The following PCDHGA2 variants were observed in gnomAD, a reference collection of about 807,000 sequenced individuals.
PCDHGA2 encodes protocadherin gamma subfamily A, 2, also known as protocadherin gamma-A2.
Under a neutral mutation model 59.2 loss-of-function variants are expected in PCDHGA2, and 40 were observed. The ratio of observed to expected loss-of-function variants is 0.68; its 90% confidence interval spans 0.52 to 0.88. PCDHGA2 has a LOEUF of 0.88. Among genes scored for constraint, PCDHGA2 ranks in the 40% least tolerant of loss-of-function variants. The pLI, the probability that PCDHGA2 is intolerant of heterozygous loss-of-function variation, is 0.00. For synonymous variants in PCDHGA2, 560 were observed against 526.0 expected (o/e 1.06, Z -0.89); for missense variants, 1,226 against 1,204.0 (o/e 1.02, Z -0.27).
rs1434083091 is a variant in PCDHGA2 at position 141,450,833 on chromosome 5, T to TA, written c.2425-43974_2425-43973insA. 6.4e-3 allele frequency among the ~76,000 whole-genome samples: 943 copies of TA among 147,260 alleles called. 6 individuals carry two copies. The highest frequency in any genetic ancestry group is 0.014 in the Middle Eastern group (4 of 276). ...TTATTTAATATTATTATTATTATTT[T>TA]TTTTTTTTTGAGATGGGGTCTTGCT... is the stretch of plus-strand genomic sequence containing the variant. On this transcript the variant is annotated intron_variant, in intron 1 of 3. Coordinates refer to ENST00000394576, the MANE Select transcript of PCDHGA2 (RefSeq NM_018915.4).
intron 1 of PCDHGA2, chr5:141,342,484 T>G (rs1757167035): frequency 6.6e-6 from 1 of 152,236 alleles, no homozygotes; most frequent in South Asian, 2.1e-4. Context: ...ATTGAGCCTT[T>G]TATTGAATGA....
At chr5:141,371,836 T>C (rs1399404619) in intron 1 of PCDHGA2, 2 of 1,613,592 alleles carry the variant, frequency 1.2e-6, no homozygotes, top group East Asian at 4.5e-5. Flanking sequence ...GATCCCGACT[T>C]GGGACCTAAT....
rs1444244130 is a variant in PCDHGA2 at position 141,433,401 on chromosome 5, A to ATCTATCTC, written c.2425-61401_2425-61400insCTCTCTAT. The stretch of plus-strand genomic sequence containing the variant: ...TATCTATCTATCTATCTATCTATCT[A>ATCTATCTC]TCTATTACTTTCTTGTACAGACAGG... On this transcript the variant is annotated intron_variant, in intron 1 of 3. Transcript: ENST00000394576. Among the ~76,000 whole-genome samples, 100 of 150,598 alleles carry ATCTATCTC rather than the reference A, an allele frequency of 6.6e-4. 1 individual carries two copies. Among genetic ancestry groups the ATCTATCTC allele is most frequent in the African/African-American group, 2.4e-3 (100 of 40,958 alleles).
chr5:141,393,263 A>G, intron 1 of PCDHGA2: 2 of 1,613,926 alleles, frequency 1.2e-6, no homozygotes, highest in Non-Finnish European at 1.7e-6. Context: ...TTCCTGGAGC[A>G]CGTTATCCAC....
rs746244855 is a variant in PCDHGA2 at position 141,341,284 on chromosome 5, C to T, written c.2313C>T (p.Pro771=). 1.9e-6 allele frequency: 3 copies of T among 1,614,236 alleles called. No individual in the cohort carries two copies. Among genetic ancestry groups the T allele is most frequent in the East Asian group, 2.2e-5 (1 of 44,886 alleles). ...ADSRKSHLIF[P]QPNYADTLIS... is the part of the protein sequence containing the mutation. ...CGCGGAAGAGCCACCTGATTTTCCCCCAGCCCAACTATGCGGACACGCTCA... is the reference window on the plus strand; with the variant it reads ...CGCGGAAGAGCCACCTGATTTTCCCTCAGCCCAACTATGCGGACACGCTCA... The change falls in exon 1 of 4, where the codon CCC becomes CCT. Residue 771 remains proline, a synonymous_variant. Coordinates refer to ENST00000394576, the MANE Select transcript of PCDHGA2 (RefSeq NM_018915.4).
intron 1 of PCDHGA2, chr5:141,403,040 C>T: frequency 1.2e-6 from 2 of 1,614,068 alleles, no homozygotes; most frequent in Non-Finnish European, 1.7e-6. Context: ...CAGGGCCAGT[C>T]AGATTCGCTA....
intron 1 of PCDHGA2, among the ~76,000 whole-genome samples, chr5:141,459,109 C>A (rs1213203625): frequency 6.6e-6 from 1 of 152,174 alleles, no homozygotes; most frequent in Non-Finnish European, 1.5e-5. Context: ...TGCATTTTGA[C>A]AATTGTTTAC....
At chr5:141,483,972 A>G in intron 1 of PCDHGA2, among the ~76,000 whole-genome samples, 1 of 83,960 alleles carries the variant, frequency 1.2e-5, no homozygotes, top group Admixed American at 1.8e-4. Context: ...TGCTTGTGCA[A>G]GGGAGTAGCT....
chr5:141,360,998 T>C, intron 1 of PCDHGA2: 1 of 1,613,390 alleles, frequency 6.2e-7, no homozygotes, highest in Non-Finnish European at 8.5e-7. Context: ...GACGAACAAG[T>C]GAAACACTTT....
At chr5:141,423,090 G>T in intron 1 of PCDHGA2, 5 of 1,614,022 alleles carry the variant, frequency 3.1e-6, no homozygotes, top group South Asian at 2.2e-5. Context: ...TCGCGGTGGG[G>T]GAGCACACGG....
intron 2 of PCDHGA2, among the ~76,000 whole-genome samples, chr5:141,497,767 C>T (rs1419825322): frequency 1.3e-5 from 2 of 152,066 alleles, no homozygotes; most frequent in East Asian, 3.9e-4. Flanking sequence ...TCAAACTCCC[C>T]GACCTCAACT....
intron 1 of PCDHGA2, among the ~76,000 whole-genome samples, chr5:141,450,047 C>T (rs2098667027): frequency 2.2e-5 from 3 of 136,836 alleles, no homozygotes; most frequent in African/African-American, 8.5e-5. Flanking sequence ...CACTCTTTCG[C>T]CCAGGCTGGA....
In PCDHGA2 at chr5:141,340,204, C is replaced by A. The variant is rs756707441; in HGVS notation, c.1233C>A (p.Asp411Glu). The A allele has an allele frequency of 9.9e-6, 16 of 1,613,976 alleles. No individual in the cohort carries two copies. Among genetic ancestry groups the A allele is most frequent in the Non-Finnish European group, 1.4e-5 (16 of 1,179,948 alleles). The change falls in exon 1 of 4, where the codon GAC becomes GAA. Residue 411 changes from aspartate (D) to glutamate (E), a missense_variant. Physicochemically the swap from Asp to Glu is conservative, Grantham distance 45. Transcript: ENST00000394576. ...YYRLVTTRALDREQFSFYNIT... is the reference protein window; with the variant it reads ...YYRLVTTRALEREQFSFYNIT... ...GACTGGTTACAACCAGAGCCCTTGA[C>A]AGGGAACAGTTTTCCTTTTACAACA...
chr5:141,476,233 G>A lies in PCDHGA2; in HGVS notation c.2425-18574G>A, dbSNP rs1162067190. ...CGGTCATTCACTATGAGATCCCGGA[G>A]GAAAGAGAGAAGGGTTTCGCTGTGG... On this transcript the variant is annotated intron_variant, in intron 1 of 3. Coordinates refer to ENST00000394576, the MANE Select transcript of PCDHGA2 (RefSeq NM_018915.4). The surrounding 1 kb of genome is among the most constrained non-coding windows in gnomAD (Gnocchi z 7.6). The A allele has an allele frequency of 3.1e-6, 5 of 1,613,996 alleles. No homozygotes were observed. Among genetic ancestry groups the A allele is most frequent in the African/African-American group, 2.7e-5 (2 of 74,894 alleles).
At chr5:141,450,006 CTTT>C (rs1554136305) in intron 1 of PCDHGA2, among the ~76,000 whole-genome samples, 9 of 132,974 alleles carry the variant, frequency 6.8e-5, no homozygotes, top group Admixed American at 7.8e-5. Context: ...TGCCATGTCT[CTTT>C]TTTTTTTTTT....
At chr5:141,393,267 T>C in intron 1 of PCDHGA2, 1 of 1,613,944 alleles carries the variant, frequency 6.2e-7, no homozygotes, top group Non-Finnish European at 8.5e-7. Flanking sequence ...TGGAGCACGT[T>C]ATCCACTCCC....
chr5:141,412,898 C>T (rs1300324880), intron 1 of PCDHGA2: 2 of 361,136 alleles, frequency 5.5e-6, no homozygotes, highest in Non-Finnish European at 9.8e-6. Context: ...AGTTTACTTT[C>T]CATTGCATGT....
intron 1 of PCDHGA2, chr5:141,404,146 A>G: frequency 1.2e-6 from 2 of 1,613,058 alleles, no homozygotes; most frequent in Non-Finnish European, 1.7e-6. Context: ...AAAATTCAGA[A>G]GAAGATTATT....
In PCDHGA2 at chr5:141,485,632, G is replaced by A. The variant is rs1335265010; in HGVS notation, c.2425-9175G>A. On this transcript the variant is annotated intron_variant, in intron 1 of 3. Transcript: ENST00000394576. This position sits in a 1 kb window ranked among gnomAD's most constrained non-coding sequence, Gnocchi z 5.7. ...CAGCTCCTCCAGGACAGCGTTTCCCGTTGGAAAAGGCTCAGGATGCAGATG... is the reference window on the plus strand; with the variant it reads ...CAGCTCCTCCAGGACAGCGTTTCCCATTGGAAAAGGCTCAGGATGCAGATG... 1.2e-6 allele frequency: 2 copies of A among 1,611,766 alleles called. No homozygotes were observed. The highest frequency in any genetic ancestry group is 1.7e-6 in the Non-Finnish European group (2 of 1,178,342).
Sources: allele counts gnomAD v4.1 joint callset (sites outside exome capture counted in the v4.1 genomes callset), GRCh38; gene constraint gnomAD v4.1.1; non-coding constraint Gnocchi (gnomAD v3.1); transcripts MANE v1.5; gene names NCBI Gene and HGNC (gene_info 2026-07-23, HGNC 2026-07-21).